UPF2: variants seen among roughly 807,000 people sequenced by gnomAD.
UPF2 encodes regulator of nonsense transcripts 2.
UPF2 carries 17 observed loss-of-function variants against 141.4 expected under a neutral mutation model. The observed-to-expected ratio is 0.12, with a 90% CI of 0.08 to 0.18. The LOEUF (loss-of-function observed/expected upper bound fraction) is 0.18. UPF2 is among the 10% of genes least tolerant of loss of function. The pLI is 1.00. For missense variants in UPF2, 1,152 were observed against 1,515.9 expected (o/e 0.76, Z 3.99); for synonymous variants, 540 against 498.0 (o/e 1.08, Z -1.12).
chr10:11,973,534 T>G (rs1220841059), intron 9 of UPF2, among the ~76,000 whole-genome samples: 2 of 152,236 alleles, frequency 1.3e-5, no homozygotes, highest in Non-Finnish European at 2.9e-5. Flanking sequence ...TATTTAAGTC[T>G]TTAATCCATC....
intron 8 of UPF2, among the ~76,000 whole-genome samples, chr10:11,986,698 G>A (rs548623783): frequency 1.7e-4 from 26 of 152,222 alleles, no homozygotes; most frequent in African/African-American, 6.3e-4. Context: ...AATATAATAA[G>A]CAAAAGACTG....
chr10:11,956,202 C>A lies in UPF2; in HGVS notation c.2574+118G>T. On this transcript the variant is annotated intron_variant, in intron 13 of 21. Transcript: ENST00000357604. This position sits in a 1 kb window ranked among gnomAD's most constrained non-coding sequence, Gnocchi z 4.2. ...CAGGAAATTCTTATAAAATGATTAT[C>A]AGCTTTTTCTAACTAATAAATTTAC... The A allele has an allele frequency of 1.1e-6, 1 of 913,788 alleles. No individual in the cohort carries two copies. The allele number at this position is 913,788 out of a possible 1,614,324, so 56.6% of individuals were successfully genotyped here. A position where few individuals can be genotyped will look rare whatever the true frequency, so the allele number is the denominator to read the frequency against.
intron 14 of UPF2, among the ~76,000 whole-genome samples, chr10:11,954,643 A>AATATATATAT (rs1554775869): frequency 1.2e-4 from 15 of 128,354 alleles, no homozygotes; most frequent in East Asian, 8.5e-4. Context: ...CAAAAAAAAA[A>AATATATATAT]ATATATATAT....
At chr10:11,977,961 T>C (rs1237264853) in intron 9 of UPF2, among the ~76,000 whole-genome samples, 1 of 152,208 alleles carries the variant, frequency 6.6e-6, no homozygotes, top group Non-Finnish European at 1.5e-5. Flanking sequence ...AGAAAAATCT[T>C]AACCACAAAT....
At chr10:12,006,548 A>T (rs1000226745) in intron 4 of UPF2, among the ~76,000 whole-genome samples, 1 of 152,218 alleles carries the variant, frequency 6.6e-6, no homozygotes, top group Non-Finnish European at 1.5e-5. Context: ...CCTTACAGAA[A>T]ATATATTTAA....
At chr10:11,994,153 A>G (rs1441642102) in intron 8 of UPF2, among the ~76,000 whole-genome samples, 1 of 152,216 alleles carries the variant, frequency 6.6e-6, no homozygotes, top group Non-Finnish European at 1.5e-5. Context: ...AGAATAAATA[A>G]TAAATCTAAA....
chr10:11,943,975 A>G (rs1307308287), intron 16 of UPF2, among the ~76,000 whole-genome samples: 1 of 150,616 alleles, frequency 6.6e-6, no homozygotes, highest in Non-Finnish European at 1.5e-5. Context: ...TCACCCCCGC[A>G]TGGTTCCTTA....
rs1833120341 is a variant in UPF2, at chr10:11,954,641, A to ATATAT, written c.2850+590_2850+591insATATA. 1.6e-4 allele frequency among the ~76,000 whole-genome samples: 6 copies of ATATAT among 37,202 alleles called. No homozygotes were observed. In the Admixed American group the frequency reaches 2.1e-3, roughly 13 times the overall value. 24.4% of individuals were successfully genotyped at this position (37,202 alleles called of 152,430 possible). A position where few individuals can be genotyped will look rare whatever the true frequency, so the allele number is the denominator to read the frequency against. On this transcript the variant is annotated intron_variant, in intron 14 of 21. Coordinates refer to ENST00000357604, the MANE Select transcript of UPF2 (RefSeq NM_015542.4). ...ACAGCAAGACTTACTCTCAAAAAAA[A>ATATAT]AAATATATATATATATATATACATA... is the stretch of plus-strand genomic sequence containing the variant.
At chr10:11,955,894 G>C (rs1324678351) in intron 13 of UPF2, among the ~76,000 whole-genome samples, 1 of 152,186 alleles carries the variant, frequency 6.6e-6, no homozygotes, top group African/African-American at 2.4e-5. Flanking sequence ...TGTAATCCCA[G>C]CATTTTGGGA....
intron 1 of UPF2, among the ~76,000 whole-genome samples, chr10:12,038,344 C>T (rs1331676765): frequency 6.6e-6 from 1 of 150,918 alleles, no homozygotes; most frequent in East Asian, 1.9e-4. Flanking sequence ...CATGCCACTG[C>T]ACTCCAGCAT....
At chr10:11,951,944 A>T in intron 15 of UPF2, 122 bp downstream of exon 15, 1 of 1,024,850 alleles carries the variant, frequency 9.8e-7, no homozygotes, top group Non-Finnish European at 1.5e-6. Flanking sequence ...CTACTACGTA[A>T]CACTCAACAC....
intron 17 of UPF2, 80 bp downstream of exon 17, chr10:11,942,984 A>G (rs2131171332): frequency 9.5e-7 from 1 of 1,050,340 alleles, no homozygotes; most frequent in East Asian, 2.4e-5. Context: ...AAAAGAAACA[A>G]ATTCAGTTTC....
intron 18 of UPF2, among the ~76,000 whole-genome samples, chr10:11,941,373 A>G (rs961942907): frequency 5.0e-4 from 76 of 152,162 alleles, no homozygotes; most frequent in African/African-American, 1.7e-3. Context: ...ATAAATTAGG[A>G]GCTTTCTGGA....
intron 15 of UPF2, among the ~76,000 whole-genome samples, chr10:11,950,765 A>T (rs2131182151): frequency 6.6e-6 from 1 of 152,390 alleles, no homozygotes; most frequent in East Asian, 1.9e-4. Flanking sequence ...GTATTCAATT[A>T]GAAATTTCAA....
intron 4 of UPF2, among the ~76,000 whole-genome samples, chr10:12,009,953 A>C (rs1834100035): frequency 6.6e-6 from 1 of 152,204 alleles, no homozygotes; most frequent in Non-Finnish European, 1.5e-5. Context: ...AAAAGAATTA[A>C]GACTCACAGA....
Position 12,042,540 on chromosome 10 carries a change from C to G in UPF2, c.-19+215G>C, listed in dbSNP as rs1834755393. Among the ~76,000 whole-genome samples the G allele has an allele frequency of 6.6e-6, 1 of 152,170 alleles. No homozygotes were observed. The highest frequency in any genetic ancestry group is 1.5e-5 in the Non-Finnish European group (1 of 68,026). ...ACCGCCCCCCAAGCATGGCCCGGCC[C>G]GGGGGCTCCCGCGTTGATGGGAGCC... On this transcript the variant is annotated intron_variant, in intron 1 of 21. Transcript: ENST00000357604. The surrounding 1 kb of genome is among the most constrained non-coding windows in gnomAD (Gnocchi z 5.5).
intron 6 of UPF2, among the ~76,000 whole-genome samples, chr10:12,000,549 G>A (rs900175933): frequency 5.3e-5 from 8 of 152,292 alleles, no homozygotes; most frequent in African/African-American, 1.9e-4. Context: ...GGAGGCTGAG[G>A]CAGGGGGATC....
intron 21 of UPF2, among the ~76,000 whole-genome samples, chr10:11,926,352 ATG>A (rs148419613): frequency 2.2e-3 from 329 of 152,232 alleles, no homozygotes; most frequent in African/African-American, 7.6e-3. Flanking sequence ...AGAAATGAAA[ATG>A]TGAGATCTGG....
Position 12,042,362 on chromosome 10 carries a change from T to C in UPF2, c.-19+393A>G, listed in dbSNP as rs1418694432. 1.3e-5 allele frequency among the ~76,000 whole-genome samples: 2 copies of C among 151,988 alleles called. No individual in the cohort carries two copies. Among genetic ancestry groups the C allele is most frequent in the African/African-American group, 4.8e-5 (2 of 41,380 alleles). On this transcript the variant is annotated intron_variant, in intron 1 of 21. Transcript: ENST00000357604. This position sits in a 1 kb window ranked among gnomAD's most constrained non-coding sequence, Gnocchi z 5.5. Reference sequence around the variant, plus strand: ...TCCCACACACGCGCCCTCCCCACTTTCTCGCCCTCGCTTCCCTCCCGGCTC... The same window carrying C: ...TCCCACACACGCGCCCTCCCCACTTCCTCGCCCTCGCTTCCCTCCCGGCTC...
Sources: gnomAD v4.1 joint callset for allele counts (sites outside exome capture counted in the v4.1 genomes callset) on GRCh38, gnomAD v4.1.1 for gene constraint, Gnocchi (gnomAD v3.1) non-coding constraint, MANE v1.5 for transcripts, NCBI Gene and HGNC (gene_info 2026-07-23, HGNC 2026-07-21) for gene names.